The following MTHFD2 variants were observed in gnomAD, a reference collection of about 807,000 sequenced individuals.
MTHFD2 encodes methylenetetrahydrofolate dehydrogenase (NADP+ dependent) 2, methenyltetrahydrofolate cyclohydrolase, also known as bifunctional methylenetetrahydrofolate dehydrogenase/cyclohydrolase, mitochondrial.
MTHFD2 carries 26 observed loss-of-function variants against 36.8 expected under a neutral mutation model. That is an observed-to-expected ratio of 0.71 (90% CI 0.52 to 0.98). MTHFD2 has a LOEUF of 0.98. MTHFD2 is among the 50% of genes least tolerant of loss of function. The probability of loss-of-function intolerance (pLI) is 0.00; values close to 1 mark genes in which losing one functional copy is unlikely to be tolerated. For synonymous variants in MTHFD2, 164 were observed against 155.2 expected, an observed-to-expected ratio of 1.06 and a Z score of -0.42; for missense variants, 373 against 434.0, an observed-to-expected ratio of 0.86 and a Z score of 1.25.
chr2:74,198,963 C>A (rs1693972936), intron 1 of MTHFD2, among the ~76,000 whole-genome samples: 1 of 152,266 alleles, frequency 6.6e-6, no homozygotes, highest in East Asian at 1.9e-4. Flanking sequence ...ACCCGAAGCC[C>A]GCCTTTCGGA....
intron 4 of MTHFD2, 100 bp from the exon 5 acceptor site, chr2:74,209,842 T>C (rs1572988523): frequency 1.2e-6 from 1 of 833,106 alleles, no homozygotes; most frequent in East Asian, 2.8e-5. Flanking sequence ...ACAGCTCCAG[T>C]TGACTGATGA....
intron 7 of MTHFD2, among the ~76,000 whole-genome samples, chr2:74,213,548 C>G (rs550448998): frequency 1.3e-4 from 20 of 152,218 alleles, no homozygotes; most frequent in South Asian, 6.2e-4. Context: ...CCTCAGCCCC[C>G]CAGAGTGCTG....
At chr2:74,211,889 T>A in intron 7 of MTHFD2, 23 bp downstream of exon 7, 3 of 1,587,732 alleles carry the variant, frequency 1.9e-6, no homozygotes, top group Non-Finnish European at 2.6e-6. Flanking sequence ...ATTTTATTTT[T>A]AAAAATGAAA....
In MTHFD2 at chr2:74,211,254, A is replaced by C. The variant is rs776775641; in HGVS notation, c.726A>C (p.Lys242Asn). 6.2e-7 allele frequency: 1 copy of C among 1,609,740 alleles called. No homozygotes were observed. Among genetic ancestry groups the C allele is most frequent in the Non-Finnish European group, 8.5e-7 (1 of 1,177,236 alleles). ...ATACTCCCAAAGAGCAGTTGAAGAA[A>C]CATACAATTCTTGCAGATATTGTAA... ...HRYTPKEQLK[K>N]HTILADIVIS... Residue 242 changes from lysine (K) to asparagine (N), a missense_variant, in exon 6 of 8, where the codon AAA becomes AAC. Lys to Asn is a moderately conservative substitution (Grantham distance 94). This residue lies in a region of MTHFD2 where 308 missense variants were observed against 397.8 expected (regional missense o/e 0.77). Coordinates refer to ENST00000394053, the MANE Select transcript of MTHFD2 (RefSeq NM_006636.4).
intron 7 of MTHFD2, among the ~76,000 whole-genome samples, chr2:74,213,339 G>T (rs6546894): frequency 6.9e-6 from 1 of 144,828 alleles, no homozygotes; most frequent in Non-Finnish European, 1.5e-5. Flanking sequence ...TACAGTGGCA[G>T]GATCTCAGCT....
chr2:74,204,184 G>A lies in MTHFD2; in HGVS notation c.102-1521G>A, dbSNP rs534052530. ...CCTCCTCGGCCTCCTAAAGTGCTGG[G>A]ATTACAGGCTTGAGCTACCACGCTG... On this transcript the variant is annotated intron_variant, in intron 1 of 7. Coordinates refer to ENST00000394053, the MANE Select transcript of MTHFD2 (RefSeq NM_006636.4). Among the ~76,000 whole-genome samples the A allele has an allele frequency of 4.2e-3, 638 of 152,246 alleles. 4 individuals carry two copies. The highest frequency in any genetic ancestry group is 0.014 in the Middle Eastern group (4 of 294).
chr2:74,202,372 C>T (rs1455301349), intron 1 of MTHFD2, among the ~76,000 whole-genome samples: 2 of 152,132 alleles, frequency 1.3e-5, no homozygotes, highest in South Asian at 2.1e-4. Flanking sequence ...TGTTCTAAGC[C>T]GTTTTAAAGT....
In MTHFD2 at chr2:74,210,024, A is replaced by G. The variant is rs775072112; in HGVS notation, c.645A>G (p.Thr215=). Residue 215 remains threonine, a synonymous_variant, in exon 5 of 8, where the codon ACA becomes ACG. Coordinates refer to ENST00000394053, the MANE Select transcript of MTHFD2 (RefSeq NM_006636.4). ...VGMPIAMLLH[T]DGAHERPGGD... is the part of the protein sequence containing the mutation. ...TGCCCATTGCAATGTTACTGCACAC[A>G]GATGGGGCGCATGAACGTCCCGGAG... The G allele has an allele frequency of 2.5e-6, 4 of 1,613,472 alleles. No homozygotes were observed. The African/African-American group carries it at 5.3e-5, about 22-fold the overall frequency.
In MTHFD2 at chr2:74,198,747, G is replaced by C. The variant is rs771365457; in HGVS notation, c.101+5G>C. On this transcript the variant is annotated splice_donor_5th_base_variant and intron_variant, in intron 1 of 7. Coordinates refer to ENST00000394053, the MANE Select transcript of MTHFD2 (RefSeq NM_006636.4). ...TTTCCACCTCGCGGCAGTTCGGTAA[G>C]AGGGTCACAGAGCTCGGTCAGCGCG... is the stretch of plus-strand genomic sequence containing the variant. 1.9e-6 allele frequency: 3 copies of C among 1,602,614 alleles called. No individual in the cohort carries two copies. In the Admixed American group the frequency reaches 5.1e-5, roughly 27 times the overall value.
At chr2:74,206,059 G>T (rs892313966) in intron 2 of MTHFD2, 170 bp downstream of exon 2, 13 of 642,528 alleles carry the variant, frequency 2.0e-5, no homozygotes, top group Non-Finnish European at 3.4e-5. Context: ...TATATCTTTC[G>T]GGGTTTATAC....
At chr2:74,211,679 C>A in intron 6 of MTHFD2, 62 bp from the exon 7 acceptor site, 3 of 1,482,758 alleles carry the variant, frequency 2.0e-6, no homozygotes, top group Non-Finnish European at 2.7e-6. Flanking sequence ...TGAAGTTAGA[C>A]AAGAATCTGA....
intron 1 of MTHFD2, 53 bp downstream of exon 1, chr2:74,198,795 C>CG (rs1693966047): frequency 1.0e-5 from 15 of 1,472,710 alleles, no homozygotes; most frequent in Non-Finnish European, 1.2e-5. Flanking sequence ...GAACGGAGGG[C>CG]GAGGGGCACG....
At chr2:74,201,301 C>T (rs576804011) in intron 1 of MTHFD2, among the ~76,000 whole-genome samples, 2 of 151,994 alleles carry the variant, frequency 1.3e-5, no homozygotes, top group Non-Finnish European at 2.9e-5. Flanking sequence ...TTTGAACAGT[C>T]CTCTTGACTT....
intron 5 of MTHFD2, 51 bp from the exon 6 acceptor site, chr2:74,211,148 C>A: frequency 2.4e-6 from 3 of 1,228,352 alleles, no homozygotes; most frequent in Non-Finnish European, 3.6e-6. Flanking sequence ...GAGACCTAAT[C>A]CAATCCCAGC....
chr2:74,216,068 A>G lies in MTHFD2; in HGVS notation c.*1826A>G, dbSNP rs1262255703. 2 of 152,356 alleles carry G rather than the reference A, an allele frequency of 1.3e-5. No individual in the cohort carries two copies. The highest frequency in any genetic ancestry group is 2.1e-4 in the South Asian group (1 of 4,832). The allele number at this position is 152,356 out of a possible 1,614,324, so 9.4% of individuals were successfully genotyped here. A position where few individuals can be genotyped will look rare whatever the true frequency, so the allele number is the denominator to read the frequency against. On this transcript the variant is annotated 3_prime_UTR_variant, in exon 8 of 8. Transcript: ENST00000394053. ...GCTTGAGGCAGAAAGAGAAGAAACA[A>G]TTGAGTTGACCTACCTCCGTCCTCG...
Position 74,214,352 on chromosome 2 carries a change from A to G in MTHFD2, c.*110A>G. 1 of 1,275,710 alleles carries G rather than the reference A, an allele frequency of 7.8e-7. No homozygotes were observed. The highest frequency in any genetic ancestry group is 1.1e-6 in the Non-Finnish European group (1 of 927,528). 79.0% of individuals were successfully genotyped at this position (1,275,710 alleles called of 1,614,324 possible). ...TATTCTACTGAAATGGTTTAAAATG[A>G]TGCCTTGTATTTATTGAAAGCTTAA... On this transcript the variant is annotated 3_prime_UTR_variant, in exon 8 of 8. Transcript: ENST00000394053.
intron 7 of MTHFD2, among the ~76,000 whole-genome samples, chr2:74,213,468 G>C (rs1399581421): frequency 6.7e-6 from 1 of 150,252 alleles, no homozygotes; most frequent in Non-Finnish European, 1.5e-5. Context: ...GTAGAGATGG[G>C]GTTTCACCAT....
At chr2:74,211,084 C>T (rs979204401) in intron 5 of MTHFD2, 115 bp from the exon 6 acceptor site, 5 of 695,984 alleles carry the variant, frequency 7.2e-6, no homozygotes, top group African/African-American at 7.2e-5. Context: ...TGCACCTGGC[C>T]GTAAGTCAAT....
chr2:74,202,991 T>C (rs1694075163), intron 1 of MTHFD2, among the ~76,000 whole-genome samples: 1 of 152,198 alleles, frequency 6.6e-6, no homozygotes, highest in South Asian at 2.1e-4. Context: ...TTTGATTTGC[T>C]GTAAGATTGT....
Sources: allele counts gnomAD v4.1 joint callset (sites outside exome capture counted in the v4.1 genomes callset), GRCh38; gene constraint gnomAD v4.1.1; regional missense constraint gnomAD v4.1.1; transcripts MANE v1.5; gene names NCBI Gene and HGNC (gene_info 2026-07-23, HGNC 2026-07-21).